Variants in FGF14 observed in about 807,000 individuals in gnomAD.
FGF14 encodes fibroblast growth factor 14.
FGF14 carries 5 observed loss-of-function variants against 25.5 expected under a neutral mutation model. That is an observed-to-expected ratio of 0.20 (90% CI 0.10 to 0.41). FGF14 has a LOEUF of 0.41. FGF14 is among the 10% of genes least tolerant of loss of function. The pLI, the probability that FGF14 is intolerant of heterozygous loss-of-function variation, is 1.00. For synonymous variants in FGF14, 138 were observed against 118.3 expected (o/e 1.17, Z -1.08); for missense variants, 222 against 320.1 (o/e 0.69, Z 2.34).
Position 102,161,632 on chromosome 13 carries a change from AAGAAGAAGAAGAAGAAGAAGAAGAAGAAG to A in FGF14, c.208+239810_208+239838del, listed in dbSNP as rs2047712915. Among the ~76,000 whole-genome samples the A allele has an allele frequency of 2.8e-3, 34 of 12,120 alleles. 1 individual carries two copies. Among genetic ancestry groups the A allele is most frequent in the African/African-American group, 0.014 (33 of 2,440 alleles). The allele number at this position is 12,120 out of a possible 152,430, so 8.0% of individuals were successfully genotyped here. ...GAAGAAGAAGAAGAAGAAGAAGAAG[AAGAAGAAGAAGAAGAAGAAGAAGAAGAAG>A]AAGAAGAAGAAGAAGAAGAAGAAGA... On this transcript the variant is annotated intron_variant, in intron 1 of 4. Transcript: ENST00000376131.
chr13:102,161,730 A>C (rs61965263), intron 1 of FGF14, among the ~76,000 whole-genome samples: 9,484 of 145,838 alleles, frequency 0.065, 473 homozygotes, highest in Non-Finnish European at 0.09. Context: ...AGAAGAATAG[A>C]AATGTGTTTA....
intron 1 of FGF14, among the ~76,000 whole-genome samples, chr13:102,354,754 A>G (rs1313355853): frequency 6.6e-6 from 1 of 152,130 alleles, no homozygotes; most frequent in Non-Finnish European, 1.5e-5. Flanking sequence ...TTGGTTCACA[A>G]CTTCATCAAT....
intron 1 of FGF14, among the ~76,000 whole-genome samples, chr13:102,043,964 T>C (rs187498238): frequency 1.4e-4 from 21 of 152,322 alleles, no homozygotes; most frequent in African/African-American, 4.8e-4. Flanking sequence ...ATTACAGTGC[T>C]CAAGTTCTGT....
intron 1 of FGF14, among the ~76,000 whole-genome samples, chr13:102,043,697 A>G (rs563121664): frequency 7.2e-5 from 11 of 152,286 alleles, no homozygotes; most frequent in African/African-American, 2.6e-4. Flanking sequence ...TGAGCCATAT[A>G]AGAAACATGA....
intron 1 of FGF14, among the ~76,000 whole-genome samples, chr13:102,024,515 T>C (rs1174206579): frequency 6.6e-6 from 1 of 152,044 alleles, no homozygotes; most frequent in Non-Finnish European, 1.5e-5. Flanking sequence ...AAAACAAATC[T>C]CTCATAAGAT....
intron 3 of FGF14, among the ~76,000 whole-genome samples, chr13:101,787,486 G>A (rs1054010474): frequency 2.0e-5 from 3 of 152,168 alleles, no homozygotes; most frequent in Non-Finnish European, 4.4e-5. Flanking sequence ...TTACTGATCT[G>A]TTTTTCCACT....
chr13:101,817,272 CT>C lies in FGF14; in HGVS notation c.408+51452del, dbSNP rs567068121. 4.3e-3 allele frequency among the ~76,000 whole-genome samples: 649 copies of C among 151,220 alleles called. 7 individuals are homozygous for C. Among genetic ancestry groups the C allele is most frequent in the African/African-American group, 0.013 (530 of 41,232 alleles). On this transcript the variant is annotated intron_variant, in intron 3 of 4. Coordinates refer to ENST00000376143, the MANE Select transcript of FGF14 (RefSeq NM_004115.4). ...CTTAAGAAATGATTCCCTCTTTTTCCTTTTTTTTTCTCTTTAATACAAACAT... is the reference window on the plus strand; with the variant it reads ...CTTAAGAAATGATTCCCTCTTTTTCCTTTTTTTTCTCTTTAATACAAACAT...
intron 1 of FGF14, among the ~76,000 whole-genome samples, chr13:102,078,440 AAAAT>A (rs2043464660): frequency 1.3e-5 from 2 of 148,868 alleles, no homozygotes; most frequent in Admixed American, 6.6e-5. Context: ...ATACACACAA[AAAAT>A]AAAAAACTTA....
At chr13:102,156,302 C>G (rs1566755669) in intron 1 of FGF14, among the ~76,000 whole-genome samples, 1 of 152,172 alleles carries the variant, frequency 6.6e-6, no homozygotes, top group Non-Finnish European at 1.5e-5. Context: ...CATCAAAAAG[C>G]TTATCCACCA....
intron 3 of FGF14, among the ~76,000 whole-genome samples, chr13:101,816,040 A>G (rs1054055931): frequency 1.2e-3 from 188 of 151,810 alleles, no homozygotes; most frequent in Non-Finnish European, 2.3e-3. Flanking sequence ...GGAGGCCGAG[A>G]CGGGCGGATC....
At chr13:102,065,774 T>C (rs1270163471) in intron 1 of FGF14, among the ~76,000 whole-genome samples, 1 of 151,956 alleles carries the variant, frequency 6.6e-6, no homozygotes, top group Non-Finnish European at 1.5e-5. Context: ...GTATATTATA[T>C]ATTTGTAAAT....
In FGF14 at chr13:102,234,361, T is replaced by C. The variant is rs9518676; in HGVS notation, c.208+167110A>G. 2.3e-4 allele frequency among the ~76,000 whole-genome samples: 17 copies of C among 72,478 alleles called. 3 individuals are homozygous for C. Among genetic ancestry groups the C allele is most frequent in the Middle Eastern group, 0.01 (1 of 98 alleles). 47.5% of individuals were successfully genotyped at this position (72,478 alleles called of 152,430 possible). A position where few individuals can be genotyped will look rare whatever the true frequency, so the allele number is the denominator to read the frequency against. On this transcript the variant is annotated intron_variant, in intron 1 of 4. Transcript: ENST00000376131. The stretch of plus-strand genomic sequence containing the variant: ...CTAAATGTGAAGGTACTTAGTACCA[T>C]GGAAACATACACTTAAATGTGAAGG...
chr13:101,923,725 T>C (rs949612320), intron 1 of FGF14, among the ~76,000 whole-genome samples: 1 of 152,094 alleles, frequency 6.6e-6, no homozygotes, highest in Non-Finnish European at 1.5e-5. Flanking sequence ...TTTTGCTGGA[T>C]ATATTTATTT....
At chr13:102,308,437 C>G (rs1378970577) in intron 1 of FGF14, among the ~76,000 whole-genome samples, 1 of 152,076 alleles carries the variant, frequency 6.6e-6, no homozygotes, top group Non-Finnish European at 1.5e-5. Flanking sequence ...TTATAACTTT[C>G]AAGAGAAGTT....
intron 1 of FGF14, among the ~76,000 whole-genome samples, chr13:102,381,579 C>T (rs1452165957): frequency 6.6e-6 from 1 of 152,140 alleles, no homozygotes; most frequent in Non-Finnish European, 1.5e-5. Context: ...AATAAATACC[C>T]AGTCTAAGGA....
intron 3 of FGF14, among the ~76,000 whole-genome samples, chr13:101,756,349 C>T (rs559203747): frequency 1.1e-3 from 175 of 152,222 alleles, no homozygotes; most frequent in African/African-American, 4.0e-3. Context: ...ACCTGAGAAT[C>T]CAAGTTTAAT....
chr13:101,760,505 G>T (rs2037949478), intron 3 of FGF14, among the ~76,000 whole-genome samples: 1 of 152,134 alleles, frequency 6.6e-6, no homozygotes, highest in South Asian at 2.1e-4. Context: ...TTTGAAAATG[G>T]CTTTCCAGTG....
chr13:102,001,675 G>A (rs1306244671), intron 1 of FGF14, among the ~76,000 whole-genome samples: 1 of 152,062 alleles, frequency 6.6e-6, no homozygotes, highest in Non-Finnish European at 1.5e-5. Flanking sequence ...CCTATGCCAG[G>A]GACATCACAA....
chr13:102,373,850 C>G (rs918099096), intron 1 of FGF14, among the ~76,000 whole-genome samples: 2 of 152,122 alleles, frequency 1.3e-5, no homozygotes, highest in Non-Finnish European at 2.9e-5. Context: ...TGAATGCACA[C>G]TGGAATCACC....
Sources: allele counts gnomAD v4.1 joint callset (sites outside exome capture counted in the v4.1 genomes callset), GRCh38; gene constraint gnomAD v4.1.1; transcripts MANE v1.5; gene names NCBI Gene and HGNC (gene_info 2026-07-23, HGNC 2026-07-21).